The following BSND variants were observed in gnomAD, a reference collection of about 807,000 sequenced individuals.
The protein encoded by BSND is barttin.
BSND carries 13 observed loss-of-function variants against 18.8 expected under a neutral mutation model. The ratio of observed to expected loss-of-function variants is 0.69; its 90% CI spans 0.45 to 1.10. BSND has a LOEUF of 1.10. BSND is among the 50% of genes least tolerant of loss of function. The probability of loss-of-function intolerance (pLI) is 0.00; values close to 1 mark genes in which losing one functional copy is unlikely to be tolerated. For missense variants in BSND, 379 were observed against 416.7 expected (o/e 0.91, Z 0.79); for synonymous variants, 170 against 161.8 (o/e 1.05, Z -0.39).
Position 55,008,980 on chromosome 1 carries a change from C to A in BSND, c.*352C>A. On this transcript the variant is annotated 3_prime_UTR_variant, in exon 4 of 4. Coordinates refer to ENST00000651561, the MANE Select transcript of BSND (RefSeq NM_057176.3). Reference sequence around the variant, plus strand: ...CCCCTGATCCTTTGTGAAGGCCAGTCAGGTTTCCCATTCCTATTGTGTCTT... The same window carrying A: ...CCCCTGATCCTTTGTGAAGGCCAGTAAGGTTTCCCATTCCTATTGTGTCTT... The A allele has an allele frequency of 2.6e-6, 1 of 386,838 alleles. No homozygotes were observed. The highest frequency in any genetic ancestry group is 6.2e-5 in the East Asian group (1 of 16,138). 24.0% of individuals were successfully genotyped at this position (386,838 alleles called of 1,614,324 possible). A position where few individuals can be genotyped will look rare whatever the true frequency, so the allele number is the denominator to read the frequency against.
chr1:55,006,862 G>A (rs552814544), intron 2 of BSND, 135 bp from the exon 3 acceptor site: 15 of 1,293,388 alleles, frequency 1.2e-5, no homozygotes, highest in Non-Finnish European at 1.3e-5. Context: ...TCCCTGAAAC[G>A]GGCGCAGTAA....
In BSND at chr1:55,014,711, C is replaced by G. The variant is rs1644441361; in HGVS notation, c.*6083C>G. Among the ~76,000 whole-genome samples the G allele has an allele frequency of 6.6e-6, 1 of 152,198 alleles. No individual in the cohort carries two copies. The highest frequency in any genetic ancestry group is 2.4e-5 in the African/African-American group (1 of 41,452). ...TGGGAAACTTTAAAAATCTAGTGTC[C>G]TAGAACCATCCTCAGAAAAGTCTGG... is the stretch of plus-strand genomic sequence containing the variant. On this transcript the variant is annotated 3_prime_UTR_variant, in exon 4 of 4. Transcript: ENST00000651561.
At chr1:55,003,995 AC>A (rs2101647115) in intron 1 of BSND, among the ~76,000 whole-genome samples, 1 of 152,344 alleles carries the variant, frequency 6.6e-6, no homozygotes, top group East Asian at 1.9e-4. Context: ...CCATTAAATC[AC>A]AATTCCCCAT....
intron 1 of BSND, among the ~76,000 whole-genome samples, chr1:55,001,245 TTG>T (rs1644360266): frequency 8.5e-6 from 1 of 116,994 alleles, no homozygotes. Context: ...TGTGTGTGTG[TTG>T]GGGGAGACCT....
At chr1:55,005,266 A>C in intron 2 of BSND, 150 bp downstream of exon 2, 1 of 699,924 alleles carries the variant, frequency 1.4e-6, no homozygotes. Context: ...TCAACTCTCA[A>C]TTCTGTGAGT....
At chr1:55,002,540 C>G (rs1644366193) in intron 1 of BSND, among the ~76,000 whole-genome samples, 1 of 152,218 alleles carries the variant, frequency 6.6e-6, no homozygotes, top group East Asian at 1.9e-4. Context: ...AGTGTACTCT[C>G]TTGCTGAGAG....
At chr1:55,008,120 A>T in intron 3 of BSND, 94 bp from the exon 4 acceptor site, 4 of 1,069,852 alleles carry the variant, frequency 3.7e-6, no homozygotes, top group Non-Finnish European at 5.6e-6. Context: ...AAGGTGGATT[A>T]TCCTACCCTA....
chr1:55,007,835 C>T (rs1644399570), intron 3 of BSND, among the ~76,000 whole-genome samples: 1 of 152,234 alleles, frequency 6.6e-6, no homozygotes, highest in Admixed American at 6.5e-5. Context: ...TCACTGGAAT[C>T]TACCCCTGAG....
Position 55,010,562 on chromosome 1 carries a change from G to C in BSND, c.*1934G>C, listed in dbSNP as rs1644417340. On this transcript the variant is annotated 3_prime_UTR_variant, in exon 4 of 4. Transcript: ENST00000651561. ...TTGAGGCTGGGGTTCCCGGCCTAGG[G>C]AAGGGCTTCCGGGTTGAGGCCGGGG... 6.6e-6 allele frequency: 1 copy of C among 151,618 alleles called. No individual in the cohort carries two copies. The highest frequency in any genetic ancestry group is 6.5e-5 in the Admixed American group (1 of 15,280). The allele number at this position is 151,618 out of a possible 1,614,324, so 9.4% of individuals were successfully genotyped here.
In BSND at chr1:55,015,743, G is replaced by A. The variant is rs1398070594; in HGVS notation, c.*7115G>A. Among the ~76,000 whole-genome samples, 1 of 152,304 alleles carries A rather than the reference G, an allele frequency of 6.6e-6. No homozygotes were observed. The highest frequency in any genetic ancestry group is 2.4e-5 in the African/African-American group (1 of 41,544). On this transcript the variant is annotated 3_prime_UTR_variant, in exon 4 of 4. Coordinates refer to ENST00000651561, the MANE Select transcript of BSND (RefSeq NM_057176.3). ...CATGCATCTGACCCATGCTTGTCTTGGGGGAACCTCTACTACCCCGGGCTA... is the reference window on the plus strand; with the variant it reads ...CATGCATCTGACCCATGCTTGTCTTAGGGGAACCTCTACTACCCCGGGCTA...
rs756988557 is a variant in BSND, at chr1:55,014,295, G to T, written c.*5667G>T. ...GAGCACCAGCTTTGGAGTAAACAGC[G>T]CTGGGTTTGAGACTAGGCTTCCCTA... On this transcript the variant is annotated 3_prime_UTR_variant, in exon 4 of 4. Coordinates refer to ENST00000651561, the MANE Select transcript of BSND (RefSeq NM_057176.3). Among the ~76,000 whole-genome samples, 1 of 152,360 alleles carries T rather than the reference G, an allele frequency of 6.6e-6. No homozygotes were observed. Among genetic ancestry groups the T allele is most frequent in the Admixed American group, 6.5e-5 (1 of 15,304 alleles).
In BSND at chr1:55,005,136, G is replaced by T. The variant is rs79445756; in HGVS notation, c.272+20G>T. 9 of 1,612,028 alleles carry T rather than the reference G, an allele frequency of 5.6e-6. No homozygotes were observed. In the East Asian group the frequency reaches 1.6e-4, roughly 28 times the overall value. ...GAAGAGGTAGGTGCCAGGCCCTCTCGGGAGGGGAGGAGTAAGCCCCATAGG... is the reference window on the plus strand; with the variant it reads ...GAAGAGGTAGGTGCCAGGCCCTCTCTGGAGGGGAGGAGTAAGCCCCATAGG... On this transcript the variant is annotated intron_variant, in intron 2 of 3. Coordinates refer to ENST00000651561, the MANE Select transcript of BSND (RefSeq NM_057176.3).
In BSND at chr1:55,008,811, T is replaced by C; in HGVS notation, c.*183T>C. 12 of 922,194 alleles carry C rather than the reference T, an allele frequency of 1.3e-5. No individual in the cohort carries two copies. In the South Asian group the frequency reaches 1.9e-4, roughly 15 times the overall value. 57.1% of individuals were successfully genotyped at this position (922,194 alleles called of 1,614,324 possible). A position where few individuals can be genotyped will look rare whatever the true frequency, so the allele number is the denominator to read the frequency against. ...ATGACTATTAGTGGACTCTTGTTTTTCCAATAGTTAGTGGTCTTTGGCCAA... is the reference window on the plus strand; with the variant it reads ...ATGACTATTAGTGGACTCTTGTTTTCCCAATAGTTAGTGGTCTTTGGCCAA... On this transcript the variant is annotated 3_prime_UTR_variant, in exon 4 of 4. Coordinates refer to ENST00000651561, the MANE Select transcript of BSND (RefSeq NM_057176.3).
Position 55,012,602 on chromosome 1 carries a change from T to A in BSND, c.*3974T>A, listed in dbSNP as rs772923784. On this transcript the variant is annotated 3_prime_UTR_variant, in exon 4 of 4. Coordinates refer to ENST00000651561, the MANE Select transcript of BSND (RefSeq NM_057176.3). ...TAGACAGTGGTGGTCTTCTTCCCTC[T>A]CTGGGTCTCTTCCCTCATCTATGCA... is the stretch of plus-strand genomic sequence containing the variant. Among the ~76,000 whole-genome samples the A allele has an allele frequency of 6.6e-6, 1 of 152,220 alleles. No individual in the cohort carries two copies. The highest frequency in any genetic ancestry group is 6.5e-5 in the Admixed American group (1 of 15,288).
rs990503055 is a variant in BSND at position 55,010,109 on chromosome 1, T to C, written c.*1481T>C. 9.2e-5 allele frequency: 14 copies of C among 152,200 alleles called. No individual in the cohort carries two copies. Among genetic ancestry groups the C allele is most frequent in the African/African-American group, 3.4e-4 (14 of 41,434 alleles). 9.4% of individuals were successfully genotyped at this position (152,200 alleles called of 1,614,324 possible). ...CTATATGCCAGATATTGAGCTGTGA[T>C]CTCTAGGGGTAAAGAGACATGAACT... On this transcript the variant is annotated 3_prime_UTR_variant, in exon 4 of 4. Transcript: ENST00000651561.
In BSND at chr1:55,008,674, C is replaced by T. The variant is rs758986555; in HGVS notation, c.*46C>T. ...TCTAGTCTGGAACTGCTGCTGACCC[C>T]TGTGTGACATCACAGGGCCTCAGTT... On this transcript the variant is annotated 3_prime_UTR_variant, in exon 4 of 4. Coordinates refer to ENST00000651561, the MANE Select transcript of BSND (RefSeq NM_057176.3). 2 of 1,613,590 alleles carry T rather than the reference C, an allele frequency of 1.2e-6. No homozygotes were observed. Among genetic ancestry groups the T allele is most frequent in the Non-Finnish European group, 1.7e-6 (2 of 1,179,976 alleles).
In BSND at chr1:55,017,159, T is replaced by C. The variant is rs148901107; in HGVS notation, c.*8531T>C. On this transcript the variant is annotated 3_prime_UTR_variant, in exon 4 of 4. Transcript: ENST00000651561. ...TGGAACACAGTATCCTCTCAATAAA[T>C]TGTTGTTAAATGAGTGAGTGAGTCT... Among the ~76,000 whole-genome samples the C allele has an allele frequency of 7.0e-4, 107 of 152,314 alleles. 1 individual carries two copies. Among genetic ancestry groups the C allele is most frequent in the African/African-American group, 2.5e-3 (103 of 41,580 alleles).
intron 2 of BSND, 42 bp from the exon 3 acceptor site, chr1:55,006,955 G>A (rs1644394288): frequency 6.2e-7 from 1 of 1,612,606 alleles, no homozygotes; most frequent in African/African-American, 1.3e-5. Flanking sequence ...GGTGTTTGCT[G>A]AGTGACTCTT....
At position 55,016,327 on chromosome 1, in the gene BSND, A is replaced by G. The variant is rs1458641033; in HGVS notation, c.*7699A>G. On this transcript the variant is annotated 3_prime_UTR_variant, in exon 4 of 4. Coordinates refer to ENST00000651561, the MANE Select transcript of BSND (RefSeq NM_057176.3). ...ATATCTGTGATCCCACAAAAGAAAC[A>G]AATGAAAACATGGTTAACCTCAGGG... Among the ~76,000 whole-genome samples, 3 of 152,244 alleles carry G rather than the reference A, an allele frequency of 2.0e-5. No individual in the cohort carries two copies. Among genetic ancestry groups the G allele is most frequent in the Non-Finnish European group, 4.4e-5 (3 of 68,040 alleles).
Sources: allele counts gnomAD v4.1 joint callset (sites outside exome capture counted in the v4.1 genomes callset), GRCh38; gene constraint gnomAD v4.1.1; transcripts MANE v1.5; gene names NCBI Gene and HGNC (gene_info 2026-07-23, HGNC 2026-07-21).